Variants in AS3MT observed in about 807,000 individuals in gnomAD.
AS3MT encodes the protein arsenite methyltransferase, also known as S-adenosyl-L-methionine:arsenic(III) methyltransferase.
AS3MT carries 47 observed loss-of-function variants against 45.3 expected under a neutral mutation model. The ratio of observed to expected loss-of-function variants is 1.04; its 90% CI spans 0.82 to 1.32. The LOEUF is 1.32. AS3MT is among the 40% of genes most tolerant of loss of function. AS3MT has a pLI of 0.00. For synonymous variants in AS3MT, 141 were observed against 152.8 expected (o/e 0.92, Z 0.57); for missense variants, 396 against 451.1 (o/e 0.88, Z 1.11).
Position 102,881,879 on chromosome 10 carries a change from G to C in AS3MT, c.885+2888G>C, listed in dbSNP as rs992090488. Among the ~76,000 whole-genome samples the C allele has an allele frequency of 2.0e-5, 3 of 150,904 alleles. No individual in the cohort carries two copies. Among genetic ancestry groups the C allele is most frequent in the Admixed American group, 2.0e-4 (3 of 15,162 alleles). ...GCCTCCCAAGTAGCTGGGACTACAGGCATGTGTCACCATGCCTGGCTAATT... is the reference window on the plus strand; with the variant it reads ...GCCTCCCAAGTAGCTGGGACTACAGCCATGTGTCACCATGCCTGGCTAATT... On this transcript the variant is annotated intron_variant, in intron 9 of 10. Transcript: ENST00000369880. This position sits in a 1 kb window ranked among gnomAD's most constrained non-coding sequence, Gnocchi z 4.2.
At chr10:102,885,287 ATGCATGT>A (rs1208276327) in intron 9 of AS3MT, among the ~76,000 whole-genome samples, 1 of 151,998 alleles carries the variant, frequency 6.6e-6, no homozygotes, top group Non-Finnish European at 1.5e-5. Context: ...CTGCAGTTCC[ATGCATGT>A]TGCTGCAGGT....
intron 9 of AS3MT, among the ~76,000 whole-genome samples, chr10:102,887,130 G>A (rs971524374): frequency 8.5e-5 from 13 of 152,076 alleles, no homozygotes; most frequent in Non-Finnish European, 1.5e-4. Flanking sequence ...ATGTGTTTGT[G>A]TATTTTCCAA....
intron 10 of AS3MT, among the ~76,000 whole-genome samples, chr10:102,897,197 A>G (rs1273597773): frequency 6.6e-6 from 1 of 151,856 alleles, no homozygotes; most frequent in Non-Finnish European, 1.5e-5. Flanking sequence ...ATCCTGGCTA[A>G]CACGGTGAAA....
At chr10:102,870,442 G>A (rs1236211402) in intron 3 of AS3MT, among the ~76,000 whole-genome samples, 1 of 152,138 alleles carries the variant, frequency 6.6e-6, no homozygotes, top group Non-Finnish European at 1.5e-5. Context: ...CTGAGGCAGA[G>A]GATCGCGTGA....
At chr10:102,888,246 C>G (rs2134124654) in intron 9 of AS3MT, 1 of 152,176 alleles carries the variant, frequency 6.6e-6, no homozygotes, top group African/African-American at 2.4e-5. Flanking sequence ...AGAATTGAGT[C>G]CATTTACATT....
intron 10 of AS3MT, among the ~76,000 whole-genome samples, chr10:102,893,233 TTTTG>T (rs1845103959): frequency 6.6e-6 from 1 of 151,988 alleles, no homozygotes; most frequent in Admixed American, 6.5e-5. Context: ...ACCTTTGGCT[TTTTG>T]TTTGTTGGCT....
In AS3MT at chr10:102,870,071, G is replaced by T. The variant is rs762692824; in HGVS notation, c.43-13G>T. The T allele has an allele frequency of 2.5e-6, 4 of 1,613,250 alleles. No individual in the cohort carries two copies. In the Admixed American group the frequency reaches 6.7e-5, roughly 27 times the overall value. On this transcript the variant is annotated splice_polypyrimidine_tract_variant and intron_variant, in intron 2 of 10. Coordinates refer to ENST00000369880, the MANE Select transcript of AS3MT (RefSeq NM_020682.4). ...CTCTCTACCCCTCACTCCACTGTGGGACGCTGGGTCAGACCTACTACGGGC... is the reference window on the plus strand; with the variant it reads ...CTCTCTACCCCTCACTCCACTGTGGTACGCTGGGTCAGACCTACTACGGGC...
At chr10:102,892,615 G>A (rs1590229464) in intron 10 of AS3MT, among the ~76,000 whole-genome samples, 2 of 152,124 alleles carry the variant, frequency 1.3e-5, no homozygotes, top group African/African-American at 2.4e-5. Context: ...GGTACCTCAT[G>A]TCAAAGCCTC....
At chr10:102,870,880 C>G (rs1034544607) in intron 3 of AS3MT, among the ~76,000 whole-genome samples, 1 of 152,244 alleles carries the variant, frequency 6.6e-6, no homozygotes, top group Non-Finnish European at 1.5e-5. Context: ...TGCCACAGCA[C>G]TCTGTCACTC....
Position 102,871,273 on chromosome 10 carries a change from G to T in AS3MT, c.170+1062G>T, listed in dbSNP as rs569307649. 2.6e-5 allele frequency among the ~76,000 whole-genome samples: 4 copies of T among 151,156 alleles called. No individual in the cohort carries two copies. In the East Asian group the frequency reaches 8.0e-4, roughly 30 times the overall value. On this transcript the variant is annotated intron_variant, in intron 3 of 10. Coordinates refer to ENST00000369880, the MANE Select transcript of AS3MT (RefSeq NM_020682.4). The stretch of plus-strand genomic sequence containing the variant: ...AAACAAAACAAAAAAAAGGCCGGGG[G>T]TGGTGGCTTATGTCTGTAATCCCAG...
At chr10:102,870,982 C>A (rs931415252) in intron 3 of AS3MT, among the ~76,000 whole-genome samples, 2 of 152,086 alleles carry the variant, frequency 1.3e-5, no homozygotes, top group Non-Finnish European at 2.9e-5. Flanking sequence ...CGGTGGCTCA[C>A]GTCCGTCATC....
chr10:102,873,269 A>G, intron 5 of AS3MT, 36 bp downstream of exon 5: 1 of 1,403,872 alleles, frequency 7.1e-7, no homozygotes, highest in African/African-American at 1.5e-5. Flanking sequence ...ACTATAGCCC[A>G]TTTTCTTTAT....
chr10:102,883,484 G>A (rs12783782), intron 9 of AS3MT, among the ~76,000 whole-genome samples: 37,601 of 151,724 alleles, frequency 0.25, 4,786 homozygotes, highest in Middle Eastern at 0.31. Context: ...AGGCTGAGGC[G>A]GGTGGATTAC....
At position 102,874,617 on chromosome 10, in the gene AS3MT, C is replaced by A. The variant is rs1404281913; in HGVS notation, c.484C>A (p.Pro162Thr). 1 of 1,608,880 alleles carries A rather than the reference C, an allele frequency of 6.2e-7. No homozygotes were observed. Among genetic ancestry groups the A allele is most frequent in the African/African-American group, 1.3e-5 (1 of 74,690 alleles). ...VVSNCVINLV[P>T]DKQQVLQEAY... ...ATCAAACTGTGTTATTAACCTTGTG[C>A]CTGATAAACAACAAGTGCTTCAGGA... The change falls in exon 6 of 11, where the codon CCT (proline) becomes ACT (threonine). Residue 162 changes from proline to threonine, a missense_variant. Physicochemically the swap from Pro to Thr is conservative, Grantham distance 38. Transcript: ENST00000369880.
chr10:102,870,249 C>T (rs1844655721), intron 3 of AS3MT, 38 bp downstream of exon 3: 1 of 1,611,050 alleles, frequency 6.2e-7, no homozygotes. Context: ...AGACCCCAAA[C>T]AGCAGTTTTC....
intron 9 of AS3MT, 84 bp from the exon 10 acceptor site, chr10:102,890,460 G>T: frequency 8.7e-7 from 1 of 1,150,792 alleles, no homozygotes; most frequent in Non-Finnish European, 1.2e-6. Context: ...TGAGGATGTG[G>T]AGAAAACGAT....
chr10:102,898,366 C>T (rs535610561), intron 10 of AS3MT, among the ~76,000 whole-genome samples: 9 of 151,988 alleles, frequency 5.9e-5, no homozygotes, highest in African/African-American at 1.2e-4. Context: ...GAGGCTGAGG[C>T]GGGTGGATCA....
chr10:102,888,874 TATA>T (rs1476552652), intron 9 of AS3MT, among the ~76,000 whole-genome samples: 157 of 82,144 alleles, frequency 1.9e-3, no homozygotes, highest in African/African-American at 4.9e-3. Context: ...TATATATATA[TATA>T]TATATTTTTT....
chr10:102,900,478 G>GT, intron 10 of AS3MT, 115 bp from the exon 11 acceptor site: 2 of 698,790 alleles, frequency 2.9e-6, no homozygotes, highest in Non-Finnish European at 4.9e-6. Flanking sequence ...TCATGGAATT[G>GT]TAAAATTTTA....
Sources: allele counts gnomAD v4.1 joint callset (sites outside exome capture counted in the v4.1 genomes callset), GRCh38; gene constraint gnomAD v4.1.1; non-coding constraint Gnocchi (gnomAD v3.1); transcripts MANE v1.5; gene names NCBI Gene and HGNC (gene_info 2026-07-23, HGNC 2026-07-21).